Variants in ARK2N observed in about 807,000 individuals in gnomAD.
ARK2N encodes the protein protein ARK2N.
chr18:46,191,241 A>G, the ARK2N span, among the ~76,000 whole-genome samples: 1 of 152,188 alleles, frequency 6.6e-6, no homozygotes, highest in Middle Eastern at 3.2e-3. Context: ...AACAGAAAGT[A>G]CAGACGGTCC....
the ARK2N span, among the ~76,000 whole-genome samples, chr18:46,184,343 C>T: frequency 6.6e-6 from 1 of 152,118 alleles, no homozygotes; most frequent in Non-Finnish European, 1.5e-5. Flanking sequence ...AGGCTGGTCT[C>T]GAATTCCTGA....
the ARK2N span, among the ~76,000 whole-genome samples, chr18:46,245,677 A>G: frequency 6.6e-6 from 1 of 151,962 alleles, no homozygotes; most frequent in African/African-American, 2.4e-5. Flanking sequence ...TATGCCTAGC[A>G]TGCGACTGTC....
the ARK2N span, among the ~76,000 whole-genome samples, chr18:46,200,065 A>ATT: frequency 7.1e-6 from 1 of 140,410 alleles, no homozygotes. Flanking sequence ...AAAATTCTTT[A>ATT]TTGTGTGTGT....
the ARK2N span, among the ~76,000 whole-genome samples, chr18:46,241,887 G>A: frequency 6.6e-6 from 1 of 151,642 alleles, no homozygotes. Flanking sequence ...CGCGATCTCA[G>A]CTCACTGCAA....
the ARK2N span, among the ~76,000 whole-genome samples, chr18:46,233,644 T>C: frequency 6.6e-6 from 1 of 152,200 alleles, no homozygotes; most frequent in East Asian, 1.9e-4. Flanking sequence ...TTTTACCTCT[T>C]TTGATCTTTT....
chr18:46,240,077 A>T, the ARK2N span: 12 of 1,614,082 alleles, frequency 7.4e-6, no homozygotes, highest in African/African-American at 1.6e-4. Context: ...AATGTGGACA[A>T]TTTATTGGCG....
the ARK2N span, among the ~76,000 whole-genome samples, chr18:46,209,688 C>T: frequency 2.0e-5 from 3 of 152,098 alleles, no homozygotes; most frequent in East Asian, 1.9e-4. Context: ...CTCTGCCTCC[C>T]GGGTTCAAGT....
At chr18:46,190,406 G>A in the ARK2N span, among the ~76,000 whole-genome samples, 2 of 19,836 alleles carry the variant, frequency 1.0e-4, no homozygotes, top group Non-Finnish European at 2.8e-4. Context: ...TGTAATCCCA[G>A]CTACTCGGGA....
the ARK2N span, among the ~76,000 whole-genome samples, chr18:46,225,703 G>A: frequency 1.3e-5 from 2 of 151,954 alleles, no homozygotes; most frequent in Non-Finnish European, 2.9e-5. Context: ...CTCGTGCTCC[G>A]CCCACCTTAG....
the ARK2N span, chr18:46,215,918 T>A: frequency 6.2e-7 from 1 of 1,613,874 alleles, no homozygotes; most frequent in Non-Finnish European, 8.5e-7. Context: ...GTTGAAGAAC[T>A]CATTGAGTCC....
chr18:46,224,497 T>TA, the ARK2N span, among the ~76,000 whole-genome samples: 3 of 152,214 alleles, frequency 2.0e-5, no homozygotes, highest in East Asian at 5.8e-4. Flanking sequence ...GGAGTTAAAA[T>TA]ACTCAAGAAT....
the ARK2N span, among the ~76,000 whole-genome samples, chr18:46,259,019 T>G: frequency 6.6e-6 from 1 of 151,962 alleles, no homozygotes; most frequent in Non-Finnish European, 1.5e-5. Flanking sequence ...CCCTCTGTAG[T>G]TAAAAAAAAA....
chr18:46,215,861 A>G, the ARK2N span: 1 of 1,600,794 alleles, frequency 6.2e-7, no homozygotes. Flanking sequence ...CTACTCCATG[A>G]TTTAACTTGA....
At chr18:46,173,699 G>T in the ARK2N span, 5 of 152,430 alleles carry the variant, frequency 3.3e-5, no homozygotes, top group Admixed American at 6.5e-5. Flanking sequence ...CTTTCGGAAG[G>T]GCTTCAGGAG....
At chr18:46,200,751 T>C in the ARK2N span, among the ~76,000 whole-genome samples, 2 of 152,118 alleles carry the variant, frequency 1.3e-5, no homozygotes, top group East Asian at 1.9e-4. Flanking sequence ...TTAGCATTTG[T>C]TGTCATTGTC....
chr18:46,256,283 A>G, the ARK2N span, among the ~76,000 whole-genome samples: 1 of 152,196 alleles, frequency 6.6e-6, no homozygotes, highest in South Asian at 2.1e-4. Context: ...CACTTGGTCA[A>G]GTTCTCTGTT....
the ARK2N span, among the ~76,000 whole-genome samples, chr18:46,242,322 G>GTTAA: frequency 6.6e-6 from 1 of 152,126 alleles, no homozygotes; most frequent in South Asian, 2.1e-4. Flanking sequence ...GTATGGAATT[G>GTTAA]TTAATATTTG....
chr18:46,187,813 A>G, the ARK2N span, among the ~76,000 whole-genome samples: 2 of 152,228 alleles, frequency 1.3e-5, no homozygotes, highest in African/African-American at 2.4e-5. Context: ...AGTAATAAAC[A>G]TAACATGGTT....
the ARK2N span, among the ~76,000 whole-genome samples, chr18:46,190,245 C>T: frequency 1.3e-5 from 2 of 152,008 alleles, no homozygotes; most frequent in Non-Finnish European, 2.9e-5. Context: ...TCAGGCCGGG[C>T]GTGGTGGCTC....
Sources: gnomAD v4.1 joint callset for allele counts (sites outside exome capture counted in the v4.1 genomes callset) on GRCh38, gnomAD v4.1.1 for gene constraint, MANE v1.5 for transcripts, NCBI Gene and HGNC (gene_info 2026-07-23, HGNC 2026-07-21) for gene names.